The following FSD1L variants were observed in gnomAD, a reference collection of about 807,000 sequenced individuals.
FSD1L encodes FSD1-like protein.
In FSD1L, 45 loss-of-function variants were observed where a neutral mutation model predicts 71.6. The observed-to-expected ratio is 0.63, with a 90% CI of 0.49 to 0.81. The LOEUF is 0.81. Among genes scored for constraint, FSD1L ranks in the 30% least tolerant of loss-of-function variants. The pLI, the probability that FSD1L is intolerant of heterozygous loss-of-function variation, is 0.00. For missense variants in FSD1L, 561 were observed against 618.1 expected (o/e 0.91, Z 0.98); for synonymous variants, 197 against 207.2 (o/e 0.95, Z 0.42).
intron 7 of FSD1L, among the ~76,000 whole-genome samples, chr9:105,502,696 C>A (rs927800726): frequency 6.6e-6 from 1 of 152,086 alleles, no homozygotes; most frequent in Non-Finnish European, 1.5e-5. Context: ...GCCGTCTTCT[C>A]AACCTTACTT....
At chr9:105,523,347 C>G in intron 10 of FSD1L, 1 of 1,598,928 alleles carries the variant, frequency 6.3e-7, no homozygotes. Context: ...TCTTCAGACA[C>G]CAGATGATCT....
chr9:105,526,363 T>C (rs1198330259), intron 10 of FSD1L: 1 of 1,612,618 alleles, frequency 6.2e-7, no homozygotes, highest in Non-Finnish European at 8.5e-7. Flanking sequence ...TCATTAAATA[T>C]CAGTTCTGTT....
intron 1 of FSD1L, among the ~76,000 whole-genome samples, chr9:105,457,781 G>A (rs1049236972): frequency 1.3e-5 from 2 of 152,210 alleles, no homozygotes; most frequent in African/African-American, 2.4e-5. Context: ...GTGAGCGAGC[G>A]AGTGAGTTTG....
chr9:105,532,930 T>A (rs762813372), intron 10 of FSD1L, among the ~76,000 whole-genome samples: 1 of 152,202 alleles, frequency 6.6e-6, no homozygotes, highest in African/African-American at 2.4e-5. Context: ...TAATGCAGAA[T>A]GAAGTCACTG....
At chr9:105,481,972 G>A (rs1479556129) in intron 6 of FSD1L, among the ~76,000 whole-genome samples, 1 of 151,840 alleles carries the variant, frequency 6.6e-6, no homozygotes, top group Admixed American at 6.6e-5. Context: ...ATGGGGTTTC[G>A]CCATGTTGCC....
intron 7 of FSD1L, among the ~76,000 whole-genome samples, chr9:105,494,767 C>G (rs942146474): frequency 2.0e-5 from 3 of 152,168 alleles, no homozygotes; most frequent in Non-Finnish European, 2.9e-5. Flanking sequence ...GAGGTGCACT[C>G]CAGACCCTGT....
chr9:105,508,567 A>G, intron 8 of FSD1L, 50 bp from the exon 9 acceptor site: 1 of 1,063,596 alleles, frequency 9.4e-7, no homozygotes, highest in Middle Eastern at 2.0e-4. Context: ...ACTTTTGGGA[A>G]TAGAATCCTT....
chr9:105,454,328 G>T (rs1319923459), intron 1 of FSD1L, among the ~76,000 whole-genome samples: 2 of 152,060 alleles, frequency 1.3e-5, no homozygotes, highest in African/African-American at 2.4e-5. Flanking sequence ...TCTTTTGTAT[G>T]CATGTTTTAC....
intron 7 of FSD1L, among the ~76,000 whole-genome samples, chr9:105,500,252 C>T (rs1833684367): frequency 6.6e-6 from 1 of 152,134 alleles, no homozygotes; most frequent in South Asian, 2.1e-4. Flanking sequence ...GTAAACTGGC[C>T]TTTATTAATG....
chr9:105,533,865 A>G (rs1836088239), intron 10 of FSD1L, among the ~76,000 whole-genome samples: 1 of 151,988 alleles, frequency 6.6e-6, no homozygotes, highest in African/African-American at 2.4e-5. Flanking sequence ...CTGGGATTAC[A>G]GGCATGTGCC....
At chr9:105,502,386 ATTTATC>A in intron 7 of FSD1L, among the ~76,000 whole-genome samples, 1 of 152,266 alleles carries the variant, frequency 6.6e-6, no homozygotes, top group East Asian at 1.9e-4. Context: ...TTTACTTTGT[ATTTATC>A]TTAGGTTCAC....
chr9:105,508,518 C>G, intron 8 of FSD1L, 99 bp from the exon 9 acceptor site: 1 of 696,136 alleles, frequency 1.4e-6, no homozygotes, highest in Non-Finnish European at 2.5e-6. Flanking sequence ...TTCCTGAATA[C>G]AGAGACACGG....
chr9:105,521,770 G>A (rs1206134947), intron 10 of FSD1L: 1 of 1,612,876 alleles, frequency 6.2e-7, no homozygotes, highest in African/African-American at 1.3e-5. Context: ...TCCTACCAAG[G>A]TGCTCTTCAT....
At chr9:105,537,864 GT>G (rs1836367769) in intron 12 of FSD1L, among the ~76,000 whole-genome samples, 1 of 152,192 alleles carries the variant, frequency 6.6e-6, no homozygotes, top group Admixed American at 6.5e-5. Context: ...TAAGTGTTGA[GT>G]AACTGGCAAC....
Position 105,522,284 on chromosome 9 carries a change from A to G in FSD1L, c.1025+9348A>G, listed in dbSNP as rs111592316. 28 of 1,613,656 alleles carry G rather than the reference A, an allele frequency of 1.7e-5. 1 individual carries two copies. The East Asian group carries it at 2.2e-4, about 13-fold the overall frequency. On this transcript the variant is annotated intron_variant, in intron 10 of 13. Coordinates refer to ENST00000481272, the MANE Select transcript of FSD1L (RefSeq NM_001145313.3). ...TAACTAAAGTTTTAGCTAGGAATTTATATAGTTTGGATCTCAGTGATTTAC... is the reference window on the plus strand; with the variant it reads ...TAACTAAAGTTTTAGCTAGGAATTTGTATAGTTTGGATCTCAGTGATTTAC...
upstream of FSD1L, among the ~76,000 whole-genome samples, chr9:105,446,387 T>TG (rs1470159065): frequency 6.6e-6 from 1 of 152,194 alleles, no homozygotes; most frequent in Non-Finnish European, 1.5e-5. Flanking sequence ...ATTTAGGAGC[T>TG]GGGGTCTCAC....
rs1589124168 is a variant in FSD1L, at chr9:105,546,549, A to G, written c.*66A>G. 6 of 1,429,374 alleles carry G rather than the reference A, an allele frequency of 4.2e-6. No individual in the cohort carries two copies. In the African/African-American group the frequency reaches 7.3e-5, roughly 17 times the overall value. 88.5% of individuals were successfully genotyped at this position (1,429,374 alleles called of 1,614,324 possible). On this transcript the variant is annotated 3_prime_UTR_variant, in exon 14 of 14. Coordinates refer to ENST00000481272, the MANE Select transcript of FSD1L (RefSeq NM_001145313.3). Reference sequence around the variant, plus strand: ...GGCCTTTTCTGTGCAGTTACTAATCACAGGAATTTGGTAGTAGTGAAAATC... The same window carrying G: ...GGCCTTTTCTGTGCAGTTACTAATCGCAGGAATTTGGTAGTAGTGAAAATC...
intron 10 of FSD1L, chr9:105,530,576 G>C: frequency 1.4e-6 from 1 of 693,574 alleles, no homozygotes; most frequent in Non-Finnish European, 2.6e-6. Flanking sequence ...GCAGTGCTAA[G>C]TGAAATTTTT....
At chr9:105,526,142 G>C in intron 10 of FSD1L, 1 of 1,570,872 alleles carries the variant, frequency 6.4e-7, no homozygotes, top group Non-Finnish European at 8.8e-7. Context: ...ATTGTGAATG[G>C]AAAGGTTCTA....
Sources: allele counts gnomAD v4.1 joint callset (sites outside exome capture counted in the v4.1 genomes callset), GRCh38; gene constraint gnomAD v4.1.1; transcripts MANE v1.5; gene names NCBI Gene and HGNC (gene_info 2026-07-23, HGNC 2026-07-21).